Variants in KCNIP4 observed in about 807,000 individuals in gnomAD.
KCNIP4 encodes the protein potassium voltage-gated channel interacting protein 4, also known as Kv channel-interacting protein 4.
Under a neutral mutation model 34.0 loss-of-function variants are expected in KCNIP4, and 12 were observed. The ratio of observed to expected loss-of-function variants is 0.35; its 90% CI spans 0.23 to 0.57. The LOEUF is 0.57. KCNIP4 is among the 20% of genes least tolerant of loss of function. The probability of loss-of-function intolerance (pLI) is 0.83; values close to 1 mark genes in which losing one functional copy is unlikely to be tolerated. For missense variants in KCNIP4, 238 were observed against 311.7 expected (o/e 0.76, Z 1.78); for synonymous variants, 124 against 102.2 (o/e 1.21, Z -1.29).
intron 1 of KCNIP4, among the ~76,000 whole-genome samples, chr4:20,999,862 T>C (rs1483750131): frequency 6.6e-6 from 1 of 152,196 alleles, no homozygotes; most frequent in African/African-American, 2.4e-5. Context: ...TAACAAAGTG[T>C]GCAAAGCTCT....
intron 1 of KCNIP4, among the ~76,000 whole-genome samples, chr4:21,311,628 G>T (rs2109274777): frequency 6.8e-6 from 1 of 146,398 alleles, no homozygotes; most frequent in Admixed American, 6.7e-5. Flanking sequence ...GATGGAGGTT[G>T]CAGTGAGCCG....
chr4:20,916,603 A>G (rs910700650), intron 1 of KCNIP4, among the ~76,000 whole-genome samples: 4 of 152,092 alleles, frequency 2.6e-5, no homozygotes, highest in South Asian at 2.1e-4. Flanking sequence ...AGAAATAATA[A>G]TACTTATAAT....
intron 1 of KCNIP4, among the ~76,000 whole-genome samples, chr4:20,943,151 A>G (rs1260781869): frequency 6.6e-6 from 1 of 152,144 alleles, no homozygotes; most frequent in Non-Finnish European, 1.5e-5. Flanking sequence ...ATAATTATTT[A>G]TGTTGACATT....
intron 1 of KCNIP4, among the ~76,000 whole-genome samples, chr4:21,054,536 A>T (rs916256337): frequency 6.6e-6 from 1 of 151,308 alleles, no homozygotes; most frequent in East Asian, 1.9e-4. Context: ...AAAAAAAAAG[A>T]ATAGACAAAG....
chr4:21,839,653 T>C (rs1176584187), intron 1 of KCNIP4, among the ~76,000 whole-genome samples: 1 of 152,098 alleles, frequency 6.6e-6, no homozygotes, highest in East Asian at 1.9e-4. Flanking sequence ...CTTGGGAGGC[T>C]GAGGCAGGAG....
chr4:21,018,901 G>C (rs1739790916), intron 1 of KCNIP4, among the ~76,000 whole-genome samples: 1 of 152,136 alleles, frequency 6.6e-6, no homozygotes, highest in South Asian at 2.1e-4. Context: ...AGACAGTGTT[G>C]AGTTAAATTT....
intron 1 of KCNIP4, among the ~76,000 whole-genome samples, chr4:21,514,577 G>T (rs1205477291): frequency 6.6e-6 from 1 of 152,002 alleles, no homozygotes; most frequent in East Asian, 1.9e-4. Flanking sequence ...TTCCTCAAAA[G>T]AATTAAAATT....
intron 1 of KCNIP4, among the ~76,000 whole-genome samples, chr4:21,320,621 C>T (rs1273477764): frequency 1.3e-5 from 2 of 151,930 alleles, no homozygotes; most frequent in Non-Finnish European, 2.9e-5. Context: ...TTGCAATTAC[C>T]CTGTGAGCTT....
chr4:21,050,064 G>A (rs1346307556), intron 1 of KCNIP4, among the ~76,000 whole-genome samples: 1 of 152,146 alleles, frequency 6.6e-6, no homozygotes, highest in Non-Finnish European at 1.5e-5. Flanking sequence ...AACTTTTAAG[G>A]GCAGGCAGCT....
At chr4:21,115,742 A>G (rs1462613185) in intron 1 of KCNIP4, among the ~76,000 whole-genome samples, 1 of 152,226 alleles carries the variant, frequency 6.6e-6, no homozygotes, top group Non-Finnish European at 1.5e-5. Flanking sequence ...AAACCTTAGT[A>G]AAGTAATTCT....
chr4:21,924,744 C>A lies in KCNIP4; in HGVS notation c.61+23827G>T, dbSNP rs570767828. Among the ~76,000 whole-genome samples the A allele has an allele frequency of 5.9e-5, 9 of 152,260 alleles. No homozygotes were observed. In the East Asian group the frequency reaches 1.7e-3, roughly 29 times the overall value. ...AATTTCAAATAATTTTCTCAACACT[C>A]ACAGTGGAAAGAGTTATTCAGGCTG... is the stretch of plus-strand genomic sequence containing the variant. On this transcript the variant is annotated intron_variant, in intron 1 of 8. Transcript: ENST00000382152.
intron 1 of KCNIP4, among the ~76,000 whole-genome samples, chr4:21,822,612 G>C (rs1392050980): frequency 1.3e-5 from 2 of 151,942 alleles, no homozygotes; most frequent in African/African-American, 4.8e-5. Flanking sequence ...AAGCGGTAGA[G>C]ATTATTTGCC....
chr4:20,923,510 G>A (rs1729606690), intron 1 of KCNIP4, among the ~76,000 whole-genome samples: 1 of 152,060 alleles, frequency 6.6e-6, no homozygotes, highest in Non-Finnish European at 1.5e-5. Context: ...AAAGCTCATT[G>A]ATACATAGTT....
chr4:21,890,924 G>T (rs181166304), intron 1 of KCNIP4, among the ~76,000 whole-genome samples: 1 of 152,186 alleles, frequency 6.6e-6, no homozygotes, highest in East Asian at 1.9e-4. Context: ...TAGTGGCAGG[G>T]TAGACAAGAG....
At chr4:21,203,779 C>G (rs1364683267) in intron 1 of KCNIP4, among the ~76,000 whole-genome samples, 1 of 152,218 alleles carries the variant, frequency 6.6e-6, no homozygotes, top group Non-Finnish European at 1.5e-5. Flanking sequence ...AAAGAATTTT[C>G]ATAAACTTGA....
At chr4:21,159,281 A>C (rs1357252715) in intron 1 of KCNIP4, among the ~76,000 whole-genome samples, 1 of 152,226 alleles carries the variant, frequency 6.6e-6, no homozygotes, top group African/African-American at 2.4e-5. Flanking sequence ...AATCAATGGA[A>C]TAGAAATGGA....
intron 1 of KCNIP4, among the ~76,000 whole-genome samples, chr4:21,747,502 A>T (rs1301084876): frequency 1.3e-5 from 2 of 152,178 alleles, no homozygotes; most frequent in Non-Finnish European, 2.9e-5. Context: ...AGTGCAGGTT[A>T]TAGAGTACTG....
At chr4:21,731,612 C>A (rs1183545918) in intron 1 of KCNIP4, among the ~76,000 whole-genome samples, 2 of 152,038 alleles carry the variant, frequency 1.3e-5, no homozygotes, top group African/African-American at 2.4e-5. Flanking sequence ...CCCCTGACAT[C>A]CTAAAGGCTT....
At chr4:20,733,335 A>G (rs986877386) in intron 6 of KCNIP4, among the ~76,000 whole-genome samples, 1 of 152,124 alleles carries the variant, frequency 6.6e-6, no homozygotes, top group African/African-American at 2.4e-5. Context: ...ACACCTTTAA[A>G]TTTTGTTATT....
Sources: allele counts gnomAD v4.1 joint callset (sites outside exome capture counted in the v4.1 genomes callset), GRCh38; gene constraint gnomAD v4.1.1; transcripts MANE v1.5; gene names NCBI Gene and HGNC (gene_info 2026-07-23, HGNC 2026-07-21).